The following GEN1 variants were observed in gnomAD, a reference collection of about 807,000 sequenced individuals.
The protein encoded by GEN1 is GEN1 structure-specific endonuclease.
A neutral mutation model predicts 67.6 loss-of-function variants in GEN1; 64 were observed. That is an observed-to-expected ratio of 0.95 (90% CI 0.77 to 1.17). GEN1 has a LOEUF of 1.17. Among genes scored for constraint, GEN1 ranks in the 50% most tolerant of loss-of-function variants. The pLI is 0.00. For synonymous variants in GEN1, 371 were observed against 359.4 expected, an observed-to-expected ratio of 1.03 and a Z score of -0.37; for missense variants, 1,058 against 1,048.3, an observed-to-expected ratio of 1.01 and a Z score of -0.13.
chr2:17,785,260 C>T lies in GEN1; in HGVS notation c.*3321C>T, dbSNP rs545653383. ...AGGCATAAGTGTAAAATTATAGTTCCTCCTCCTCAAGGATTTCTCTGTTTT... is the reference window on the plus strand; with the variant it reads ...AGGCATAAGTGTAAAATTATAGTTCTTCCTCCTCAAGGATTTCTCTGTTTT... On this transcript the variant is annotated 3_prime_UTR_variant, in exon 14 of 14. Coordinates refer to ENST00000381254, the MANE Select transcript of GEN1 (RefSeq NM_001130009.3). The T allele has an allele frequency of 2.0e-5, 3 of 152,344 alleles. No homozygotes were observed. The highest frequency in any genetic ancestry group is 7.2e-5 in the African/African-American group (3 of 41,562). The allele number at this position is 152,344 out of a possible 1,614,324, so 9.4% of individuals were successfully genotyped here. A position where few individuals can be genotyped will look rare whatever the true frequency, so the allele number is the denominator to read the frequency against.
intron 5 of GEN1, among the ~76,000 whole-genome samples, chr2:17,767,759 T>C (rs1672000180): frequency 6.6e-6 from 1 of 152,236 alleles, no homozygotes; most frequent in Non-Finnish European, 1.5e-5. Flanking sequence ...ATTGACCTTT[T>C]GTGTTTTTTA....
Position 17,783,071 on chromosome 2 carries a change from T to TG in GEN1, c.*1132_*1133insG, listed in dbSNP as rs1672919433. On this transcript the variant is annotated 3_prime_UTR_variant, in exon 14 of 14. Transcript: ENST00000381254. ...TGCATTTTGTTTTTGTTTGTTTGTT[T>TG]TTTTTTGAGACAGAGTCTCACTCTT... 6.6e-6 allele frequency: 1 copy of TG among 152,200 alleles called. No individual in the cohort carries two copies. Among genetic ancestry groups the TG allele is most frequent in the African/African-American group, 2.4e-5 (1 of 41,436 alleles). The allele number at this position is 152,200 out of a possible 1,614,324, so 9.4% of individuals were successfully genotyped here. A position where few individuals can be genotyped will look rare whatever the true frequency, so the allele number is the denominator to read the frequency against.
At position 17,765,108 on chromosome 2, in the gene GEN1, T is replaced by G. The variant is rs766241564; in HGVS notation, c.525+35T>G. On this transcript the variant is annotated intron_variant, in intron 4 of 13. Transcript: ENST00000381254. ...TTCTTTCTCTTTTTCAGCATTTGTT[T>G]ACGAACTACCTTTTTTAAAGGGCTG... The G allele has an allele frequency of 1.1e-4, 171 of 1,595,862 alleles. 1 individual carries two copies. The highest frequency in any genetic ancestry group is 1.3e-4 in the East Asian group (6 of 44,750).
chr2:17,782,046 G>C lies in GEN1; in HGVS notation c.*107G>C, dbSNP rs1028320418. 72 of 624,916 alleles carry C rather than the reference G, an allele frequency of 1.2e-4. No individual in the cohort carries two copies. The highest frequency in any genetic ancestry group is 1.0e-3 in the African/African-American group (56 of 53,384). The allele number at this position is 624,916 out of a possible 1,614,324, so 38.7% of individuals were successfully genotyped here. A position where few individuals can be genotyped will look rare whatever the true frequency, so the allele number is the denominator to read the frequency against. Reference sequence around the variant, plus strand: ...TGTGGTAAAAATTTTAATGTTCTCTGTGTCATGAAACACTTGCCATTTTAA... The same window carrying C: ...TGTGGTAAAAATTTTAATGTTCTCTCTGTCATGAAACACTTGCCATTTTAA... On this transcript the variant is annotated 3_prime_UTR_variant, in exon 14 of 14. Coordinates refer to ENST00000381254, the MANE Select transcript of GEN1 (RefSeq NM_001130009.3).
At position 17,762,946 on chromosome 2, in the gene GEN1, GCAA is replaced by G. The variant is rs565187282; in HGVS notation, c.348+1371_348+1373del. The stretch of plus-strand genomic sequence containing the variant: ...GGCTTGTCTTTGTAATATTTAGTGT[GCAA>G]CAACAAAGATATTTAATATGCATTT... On this transcript the variant is annotated intron_variant, in intron 3 of 13. Transcript: ENST00000381254. Among the ~76,000 whole-genome samples, 32 of 152,240 alleles carry G rather than the reference GCAA, an allele frequency of 2.1e-4. No homozygotes were observed. In the South Asian group the frequency reaches 4.8e-3, roughly 23 times the overall value.
In GEN1 at chr2:17,780,786, C is replaced by T. The variant is rs765954836; in HGVS notation, c.1574C>T (p.Ser525Leu). 1 of 1,613,952 alleles carries T rather than the reference C, an allele frequency of 6.2e-7. No individual in the cohort carries two copies. The highest frequency in any genetic ancestry group is 2.2e-5 in the East Asian group (1 of 44,856). Residue 525 changes from serine (S) to leucine (L), a missense_variant, in exon 14 of 14, where the codon TCA (serine) becomes TTA (leucine). Transcript: ENST00000381254. ...PTLPQESISA[S>L]LNSLLLPKNT... ...TTACCACAGGAATCTATTTCTGCCT[C>T]ATTGAATAGCTTGCTTTTACCTAAA...
intron 4 of GEN1, 64 bp downstream of exon 4, chr2:17,765,137 A>G: frequency 6.8e-7 from 1 of 1,474,476 alleles, no homozygotes; most frequent in Non-Finnish European, 9.4e-7. Flanking sequence ...AGGGCTGATT[A>G]AATGAAATAG....
At position 17,778,153 on chromosome 2, in the gene GEN1, T is replaced by TAC. The variant is rs70964006; in HGVS notation, c.1264+100_1264+101dup. 41,951 of 472,620 alleles carry TAC rather than the reference T, an allele frequency of 0.089. 1,730 individuals carry two copies. Among genetic ancestry groups the TAC allele is most frequent in the Middle Eastern group, 0.15 (308 of 2,076 alleles). The allele number at this position is 472,620 out of a possible 1,614,324, so 29.3% of individuals were successfully genotyped here. ...TTGTATATGTGTATATATATATATA[T>TAC]ACACACACACATAGATATGTGTATA... On this transcript the variant is annotated intron_variant, in intron 12 of 13. Transcript: ENST00000381254.
In GEN1 at chr2:17,781,107, T is replaced by C; in HGVS notation, c.1895T>C (p.Leu632Pro). 9.3e-6 allele frequency: 15 copies of C among 1,613,668 alleles called. No homozygotes were observed. The highest frequency in any genetic ancestry group is 1.3e-5 in the Non-Finnish European group (15 of 1,179,626). ...PDGFENIPEQ[L>P]SCESERYTAN... ...GGCTTTGAAAATATCCCAGAACAAC[T>C]GTCCTGTGAATCAGAAAGGTACACT... is the stretch of plus-strand genomic sequence containing the variant. The change falls in exon 14 of 14, where the codon CTG becomes CCG. Residue 632 changes from leucine to proline, a missense_variant. Leu to Pro is a moderately conservative substitution (Grantham distance 98). Coordinates refer to ENST00000381254, the MANE Select transcript of GEN1 (RefSeq NM_001130009.3).
At position 17,760,093 on chromosome 2, in the gene GEN1, G is replaced by A. The variant is rs753277588; in HGVS notation, c.150G>A (p.Lys50=). ...AAAAAATGATGGGCAGCGTCATGAA[G>A]CCCCACCTCAGGTATAGTAAAAGCT... ...TVKKMMGSVM[K]PHLRNLFFRI... Residue 50 remains lysine, a synonymous_variant, in exon 2 of 14, where the codon AAG becomes AAA. Coordinates refer to ENST00000381254, the MANE Select transcript of GEN1 (RefSeq NM_001130009.3). 1 of 1,613,902 alleles carries A rather than the reference G, an allele frequency of 6.2e-7. No homozygotes were observed. The highest frequency in any genetic ancestry group is 1.1e-5 in the South Asian group (1 of 91,044).
chr2:17,767,878 T>C (rs1412273482), intron 5 of GEN1, among the ~76,000 whole-genome samples: 3 of 152,374 alleles, frequency 2.0e-5, no homozygotes, highest in Admixed American at 2.0e-4. Context: ...ACAAGAAGAA[T>C]GATATTCAAG....
At chr2:17,758,548 T>C (rs1671529259) in intron 1 of GEN1, among the ~76,000 whole-genome samples, 1 of 152,210 alleles carries the variant, frequency 6.6e-6, no homozygotes, top group Non-Finnish European at 1.5e-5. Flanking sequence ...ATTCAACCAG[T>C]GGGGCTTCAG....
intron 3 of GEN1, among the ~76,000 whole-genome samples, chr2:17,763,713 CTG>C (rs905547667): frequency 4.9e-4 from 75 of 152,290 alleles, no homozygotes; most frequent in Middle Eastern, 3.4e-3. Context: ...GTTGAAATAA[CTG>C]TATTATGAAA....
At position 17,781,179 on chromosome 2, in the gene GEN1, C is replaced by T; in HGVS notation, c.1967C>T (p.Pro656Leu). ...VLDEDSDGIS[P>L]EEHLLSGITD... Reference sequence around the variant, plus strand: ...GATGAGGATTCTGATGGGATTAGTCCTGAAGAGCATCTACTTTCTGGCATT... The same window carrying T: ...GATGAGGATTCTGATGGGATTAGTCTTGAAGAGCATCTACTTTCTGGCATT... The change falls in exon 14 of 14, where the codon CCT becomes CTT. Residue 656 changes from proline (P) to leucine (L), a missense_variant. Transcript: ENST00000381254. 3.1e-6 allele frequency: 5 copies of T among 1,613,806 alleles called. No homozygotes were observed. Among genetic ancestry groups the T allele is most frequent in the Non-Finnish European group, 4.2e-6 (5 of 1,179,810 alleles).
At chr2:17,759,167 G>A (rs368837145) in intron 1 of GEN1, among the ~76,000 whole-genome samples, 7 of 152,262 alleles carry the variant, frequency 4.6e-5, no homozygotes, top group Admixed American at 2.6e-4. Context: ...TATTTGTGTC[G>A]TCAGATTGAA....
rs1671944350 is a variant in GEN1, at chr2:17,766,569, C to T, written c.526-10C>T. The T allele has an allele frequency of 7.0e-7, 1 of 1,435,006 alleles. No homozygotes were observed. The highest frequency in any genetic ancestry group is 2.3e-5 in the East Asian group (1 of 43,578). 88.9% of individuals were successfully genotyped at this position (1,435,006 alleles called of 1,614,324 possible). A position where few individuals can be genotyped will look rare whatever the true frequency, so the allele number is the denominator to read the frequency against. ...TTTTGAGGATTAAACTAAATCTGTT[C>T]TTTCTTTAGGACCCACATGTTGACT... On this transcript the variant is annotated splice_polypyrimidine_tract_variant and intron_variant, in intron 4 of 13. Coordinates refer to ENST00000381254, the MANE Select transcript of GEN1 (RefSeq NM_001130009.3).
At position 17,754,227 on chromosome 2, in the gene GEN1, CT is replaced by C. The variant is rs60258738; in HGVS notation, c.-123del. 0.038 allele frequency: 5,524 copies of C among 146,604 alleles called. 293 individuals carry two copies. Among genetic ancestry groups the C allele is most frequent in the African/African-American group, 0.12 (4,646 of 40,228 alleles). The allele number at this position is 146,604 out of a possible 1,614,324, so 9.1% of individuals were successfully genotyped here. ...GCTTGGGTAAAGAAAGAGGACTTTC[CT>C]TTTTTTTTTTCCTTTTGAGAAAATT... On this transcript the variant is annotated 5_prime_UTR_variant, in exon 1 of 14. Transcript: ENST00000381254.
chr2:17,766,366 C>T (rs541277282), intron 4 of GEN1, among the ~76,000 whole-genome samples: 96 of 152,232 alleles, frequency 6.3e-4, no homozygotes, highest in South Asian at 2.3e-3. Flanking sequence ...GATGGGGTTT[C>T]ACCATGTTGG....
In GEN1 at chr2:17,783,720, C is replaced by G. The variant is rs745895117; in HGVS notation, c.*1781C>G. ...CGTTTATGGTCAGTTGATTTTAAAC[C>G]AGAGTGCCAAGACAATTCAATGGGA... is the stretch of plus-strand genomic sequence containing the variant. On this transcript the variant is annotated 3_prime_UTR_variant, in exon 14 of 14. Coordinates refer to ENST00000381254, the MANE Select transcript of GEN1 (RefSeq NM_001130009.3). The G allele has an allele frequency of 3.9e-5, 6 of 152,156 alleles. No homozygotes were observed. The highest frequency in any genetic ancestry group is 6.5e-5 in the Admixed American group (1 of 15,284). The allele number at this position is 152,156 out of a possible 1,614,324, so 9.4% of individuals were successfully genotyped here.
Sources: gnomAD v4.1 joint callset for allele counts (sites outside exome capture counted in the v4.1 genomes callset) on GRCh38, gnomAD v4.1.1 for gene constraint, MANE v1.5 for transcripts, NCBI Gene and HGNC (gene_info 2026-07-23, HGNC 2026-07-21) for gene names.